Variants in MALL observed in about 807,000 individuals in gnomAD.
The protein encoded by MALL is mal, T cell differentiation protein like, also known as MAL-like protein.
Under a neutral mutation model 10.3 loss-of-function variants are expected in MALL, and 2 were observed. That is an observed-to-expected ratio of 0.19 (90% CI 0.08 to 0.61). The LOEUF is 0.61. MALL is among the 20% of genes least tolerant of loss of function. The pLI is 0.88. For synonymous variants in MALL, 27 were observed against 51.8 expected, an observed-to-expected ratio of 0.52 and a Z score of 2.05; for missense variants, 39 against 115.2, an observed-to-expected ratio of 0.34 and a Z score of 3.03.
upstream of MALL, among the ~76,000 whole-genome samples, chr2:110,117,018 G>A (rs1056181580): frequency 6.6e-6 from 1 of 152,322 alleles, no homozygotes; most frequent in Admixed American, 6.5e-5. Context: ...GGAGAGCCAA[G>A]GGAGAGAGGA....
At chr2:110,100,034 G>A (rs1477056999) in intron 1 of MALL, among the ~76,000 whole-genome samples, 1 of 151,970 alleles carries the variant, frequency 6.6e-6, no homozygotes, top group Non-Finnish European at 1.5e-5. Flanking sequence ...TGCCTCACCT[G>A]ACTCCCAGGC....
chr2:110,095,282 C>T (rs1372403642), intron 1 of MALL, among the ~76,000 whole-genome samples: 1 of 152,168 alleles, frequency 6.6e-6, no homozygotes, highest in African/African-American at 2.4e-5. Context: ...TGTATTTCCT[C>T]AGAGCGGGAG....
At chr2:110,106,419 C>G (rs909217762) in intron 1 of MALL, among the ~76,000 whole-genome samples, 1 of 152,208 alleles carries the variant, frequency 6.6e-6, no homozygotes, top group Non-Finnish European at 1.5e-5. Context: ...AAGGCACACA[C>G]ACTTGCTACA....
intron 1 of MALL, among the ~76,000 whole-genome samples, chr2:110,114,419 G>A (rs776148278): frequency 1.6e-4 from 25 of 151,938 alleles, no homozygotes; most frequent in Non-Finnish European, 3.7e-4. Flanking sequence ...AAGAGGCAGA[G>A]TCAACCAGTA....
At chr2:110,107,515 C>T (rs1010023710) in intron 1 of MALL, among the ~76,000 whole-genome samples, 1 of 152,104 alleles carries the variant, frequency 6.6e-6, no homozygotes, top group Non-Finnish European at 1.5e-5. Flanking sequence ...TCACCTTTAC[C>T]CCTCACAGCA....
At chr2:110,092,730 A>AATG (rs111848646) in intron 1 of MALL, among the ~76,000 whole-genome samples, 1 of 133,016 alleles carries the variant, frequency 7.5e-6, no homozygotes, top group African/African-American at 2.5e-5. Context: ...TAATAATAAT[A>AATG]ATAATAAAGA....
chr2:110,115,854 C>G (rs899387622), upstream of MALL: 1 of 707,842 alleles, frequency 1.4e-6, no homozygotes, highest in Non-Finnish European at 2.0e-6. Context: ...TCAAATATCA[C>G]CTCCTGCCCG....
intron 1 of MALL, among the ~76,000 whole-genome samples, chr2:110,097,836 G>A (rs182085514): frequency 2.0e-5 from 3 of 152,076 alleles, no homozygotes; most frequent in East Asian, 1.9e-4. Flanking sequence ...TTCTTACTGC[G>A]TCTCTTAATT....
In MALL at chr2:110,115,543, C is replaced by G. The variant is rs545299823; in HGVS notation, c.105+145G>C. ...TGGGTCCGAGGCCGGTCTCCCCCCC[C>G]CTCTCTGCAGGTGGCCCCTGTGCTT... On this transcript the variant is annotated intron_variant, in intron 1 of 3. Transcript: ENST00000272462. The G allele has an allele frequency of 4.2e-4, 184 of 433,136 alleles. 1 individual carries two copies. Among genetic ancestry groups the G allele is most frequent in the Middle Eastern group, 1.7e-3 (3 of 1,720 alleles). 26.8% of individuals were successfully genotyped at this position (433,136 alleles called of 1,614,324 possible).
At chr2:110,112,118 A>G (rs1443007706) in intron 1 of MALL, among the ~76,000 whole-genome samples, 3 of 152,218 alleles carry the variant, frequency 2.0e-5, no homozygotes, top group East Asian at 3.8e-4. Flanking sequence ...AAGACCTGAA[A>G]TTACAAAAAT....
intron 1 of MALL, among the ~76,000 whole-genome samples, chr2:110,103,173 G>A (rs1465591685): frequency 2.0e-5 from 3 of 152,120 alleles, no homozygotes; most frequent in East Asian, 1.9e-4. Context: ...GACAGTTTGT[G>A]GCCAGGGGAC....
At chr2:110,103,165 C>G (rs2104387137) in intron 1 of MALL, among the ~76,000 whole-genome samples, 1 of 152,220 alleles carries the variant, frequency 6.6e-6, no homozygotes, top group East Asian at 1.9e-4. Flanking sequence ...CTTCTAGGGA[C>G]AGTTTGTGGC....
intron 1 of MALL, among the ~76,000 whole-genome samples, chr2:110,097,312 G>A (rs1678466574): frequency 6.6e-6 from 1 of 152,132 alleles, no homozygotes; most frequent in Admixed American, 6.5e-5. Context: ...TGGTCTCGGG[G>A]AAGCAGAACC....
chr2:110,115,588 G>C (rs1678899020), intron 1 of MALL, 100 bp downstream of exon 1: 2 of 546,534 alleles, frequency 3.7e-6, no homozygotes, highest in South Asian at 1.7e-4. Context: ...CTCTCTTCTC[G>C]GTCCGGTCTG....
At chr2:110,099,852 A>G (rs1032653807) in intron 1 of MALL, among the ~76,000 whole-genome samples, 1 of 152,124 alleles carries the variant, frequency 6.6e-6, no homozygotes, top group Non-Finnish European at 1.5e-5. Flanking sequence ...TGCATCCCAG[A>G]TGACACGACC....
intron 1 of MALL, among the ~76,000 whole-genome samples, chr2:110,107,332 G>A (rs1404168218): frequency 6.6e-6 from 1 of 151,212 alleles, no homozygotes; most frequent in Non-Finnish European, 1.5e-5. Context: ...CCTAGAAACA[G>A]ACTTGGGGCT....
chr2:110,115,750 C>A lies in MALL; in HGVS notation c.43G>T (p.Asp15Tyr). 1 of 1,290,370 alleles carries A rather than the reference C, an allele frequency of 7.7e-7. No homozygotes were observed. Among genetic ancestry groups the A allele is most frequent in the East Asian group, 2.9e-5 (1 of 34,344 alleles). 79.9% of individuals were successfully genotyped at this position (1,290,370 alleles called of 1,614,324 possible). Residue 15 changes from aspartate to tyrosine, a missense_variant, in exon 1 of 4, where the codon GAC (aspartate) becomes TAC (tyrosine). Asp to Tyr is a radical substitution (Grantham distance 160). Around this residue, in one of 2 missense-constraint regions of MALL, gnomAD observed 39 missense variants for 48.0 expected, o/e 0.81. Transcript: ENST00000272462. ...AACAGCGCGACCCCCGAGGGCACGTCGGACGGGGCGTAGCTGGTGGCGGGC... is the reference window on the plus strand; with the variant it reads ...AACAGCGCGACCCCCGAGGGCACGTAGGACGGGGCGTAGCTGGTGGCGGGC... The part of the protein sequence containing the change: ...DPPATSYAPS[D>Y]VPSGVALFLT...
intron 1 of MALL, among the ~76,000 whole-genome samples, chr2:110,109,113 C>A (rs1413165276): frequency 6.6e-6 from 1 of 152,136 alleles, no homozygotes; most frequent in East Asian, 1.9e-4. Flanking sequence ...CACAAAGGAC[C>A]TATAAAACAA....
chr2:110,109,341 G>A (rs1374128519), intron 1 of MALL, among the ~76,000 whole-genome samples: 1 of 152,068 alleles, frequency 6.6e-6, no homozygotes, highest in Non-Finnish European at 1.5e-5. Flanking sequence ...TAAACTTAAA[G>A]TAAAAGGGTG....
Sources: allele counts gnomAD v4.1 joint callset (sites outside exome capture counted in the v4.1 genomes callset), GRCh38; gene constraint gnomAD v4.1.1; regional missense constraint gnomAD v4.1.1; transcripts MANE v1.5; gene names NCBI Gene and HGNC (gene_info 2026-07-23, HGNC 2026-07-21).